FAM186A: variants seen among roughly 807,000 people sequenced by gnomAD.
The protein encoded by FAM186A is family with sequence similarity 186 member A.
A neutral mutation model predicts 216.8 loss-of-function variants in FAM186A; 163 were observed. The observed-to-expected ratio is 0.75, with a 90% CI of 0.66 to 0.86. The LOEUF is 0.86. Among genes scored for constraint, FAM186A ranks in the 40% least tolerant of loss-of-function variants. The probability of loss-of-function intolerance (pLI) is 0.00; values close to 1 mark genes in which losing one functional copy is unlikely to be tolerated. For synonymous variants in FAM186A, 805 were observed against 1,025.3 expected (o/e 0.79, Z 4.10); for missense variants, 2,184 against 2,746.2 (o/e 0.80, Z 4.58).
In FAM186A at chr12:50,348,038, A is replaced by ATTTTTTTTTTTTTTTTTTTTTTTTTTTTT. The variant is rs71083540; in HGVS notation, c.6503+2290_6503+2291insAAAAAAAAAAAAAAAAAAAAAAAAAAAAA. 2.5e-5 allele frequency among the ~76,000 whole-genome samples: 2 copies of ATTTTTTTTTTTTTTTTTTTTTTTTTTTTT among 81,340 alleles called. 1 individual carries two copies. The allele number at this position is 81,340 out of a possible 152,430, so 53.4% of individuals were successfully genotyped here. Reference sequence around the variant, plus strand: ...CAGGTGTGAGCCACAATGCCTGGTAATTTTTTTTTTTTTTTTTTTTTTTTG... The same window carrying ATTTTTTTTTTTTTTTTTTTTTTTTTTTTT: ...CAGGTGTGAGCCACAATGCCTGGTAATTTTTTTTTTTTTTTTTTTTTTTTTTTTTTTTTTTTTTTTTTTTTTTTTTTTTG... On this transcript the variant is annotated intron_variant, in intron 4 of 7. Coordinates refer to ENST00000327337, the MANE Select transcript of FAM186A (RefSeq NM_001145475.3).
At chr12:50,388,020 G>A (rs1231156869) in intron 1 of FAM186A, among the ~76,000 whole-genome samples, 1 of 152,136 alleles carries the variant, frequency 6.6e-6, no homozygotes, top group African/African-American at 2.4e-5. Context: ...TCAACTCTCT[G>A]TAAGCTCTCC....
At chr12:50,345,361 G>A (rs1481361877) in intron 4 of FAM186A, among the ~76,000 whole-genome samples, 6 of 152,050 alleles carry the variant, frequency 3.9e-5, no homozygotes, top group Non-Finnish European at 7.4e-5. Context: ...GTGAGATCGT[G>A]CCACTGCCCT....
chr12:50,343,606 G>GT (rs1942784784), intron 4 of FAM186A, among the ~76,000 whole-genome samples: 1 of 149,284 alleles, frequency 6.7e-6, no homozygotes, highest in East Asian at 2.0e-4. Context: ...ATGGGTTTTT[G>GT]TTTTCTCTCT....
In FAM186A at chr12:50,331,737, C is replaced by G. The variant is rs1189356173; in HGVS notation, c.6781G>C (p.Val2261Leu). The G allele has an allele frequency of 6.5e-7, 1 of 1,549,348 alleles. No homozygotes were observed. Among genetic ancestry groups the G allele is most frequent in the Non-Finnish European group, 8.7e-7 (1 of 1,146,608 alleles). Residue 2261 changes from valine to leucine, a missense_variant, in exon 6 of 8, where the codon GTT becomes CTT. Coordinates refer to ENST00000327337, the MANE Select transcript of FAM186A (RefSeq NM_001145475.3). The part of the protein sequence containing the change: ...EKQIPASTTF[V>L]QKPFLKLLME... Reference sequence around the variant, plus strand: ...AGTAATTTTAAGAATGGCTTTTGAACAAATGTGGTAGAGGCAGGTATCTGC... The same window carrying G: ...AGTAATTTTAAGAATGGCTTTTGAAGAAATGTGGTAGAGGCAGGTATCTGC...
rs1942905325 is a variant in FAM186A, at chr12:50,352,486, G to A, written c.4346C>T (p.Ala1449Val). 1.3e-5 allele frequency: 20 copies of A among 1,499,324 alleles called. No homozygotes were observed. The highest frequency in any genetic ancestry group is 1.8e-5 in the Non-Finnish European group (20 of 1,116,328). 92.9% of individuals were successfully genotyped at this position (1,499,324 alleles called of 1,614,324 possible). ...QAQALGMPLT[A>V]QQAQELGITL... ...GATCCCCAGCTCCTGAGCCTGCTGA[G>A]CGGTGAGAGGCATCCCCAGGGCCTG... The change falls in exon 4 of 8, where the codon GCT becomes GTT. Residue 1449 changes from alanine to valine, a missense_variant. Transcript: ENST00000327337.
chr12:50,335,422 GA>G (rs1356682871), intron 4 of FAM186A, among the ~76,000 whole-genome samples: 2 of 152,090 alleles, frequency 1.3e-5, no homozygotes, highest in African/African-American at 2.4e-5. Context: ...AAGGCTGGTG[GA>G]TCACAAGGTC....
chr12:50,330,694 CTAT>C lies in FAM186A; in HGVS notation c.6910_6912del (p.Ile2304del). Reference sequence around the variant, plus strand: ...AGTGAATGCATAGATGTCTTCTCTGCTATTGGGTAGCTTGAAGTGGACAGATCA... The same window carrying C: ...AGTGAATGCATAGATGTCTTCTCTGCTGGGTAGCTTGAAGTGGACAGATCA... On this transcript the variant is annotated inframe_deletion, in exon 7 of 8. Coordinates refer to ENST00000327337, the MANE Select transcript of FAM186A (RefSeq NM_001145475.3). 2 of 1,548,598 alleles carry C rather than the reference CTAT, an allele frequency of 1.3e-6. No individual in the cohort carries two copies. Among genetic ancestry groups the C allele is most frequent in the Middle Eastern group, 3.3e-4 (2 of 5,992 alleles).
chr12:50,394,012 G>A lies in FAM186A; in HGVS notation c.192+2281C>T, dbSNP rs537206458. 9.9e-5 allele frequency among the ~76,000 whole-genome samples: 15 copies of A among 152,056 alleles called. No individual in the cohort carries two copies. The East Asian group carries it at 1.2e-3, about 12-fold the overall frequency. On this transcript the variant is annotated intron_variant, in intron 1 of 7. Coordinates refer to ENST00000327337, the MANE Select transcript of FAM186A (RefSeq NM_001145475.3). ...CGGCTCACTGCAACCTCTGCCTTTC[G>A]GGCTCAAGTGATTCTCTTGCCTCAG...
At chr12:50,361,725 C>T (rs2136097124) in intron 2 of FAM186A, among the ~76,000 whole-genome samples, 1 of 151,216 alleles carries the variant, frequency 6.6e-6, no homozygotes, top group East Asian at 2.0e-4. Context: ...TGTGTGCCAC[C>T]ACACCCAGCT....
chr12:50,368,582 A>G (rs568926991), intron 1 of FAM186A, among the ~76,000 whole-genome samples: 41 of 152,276 alleles, frequency 2.7e-4, no homozygotes, highest in South Asian at 1.2e-3. Context: ...TAAGATGTCA[A>G]TACTACCCAA....
rs1486084160 is a variant in FAM186A at position 50,396,400 on chromosome 12, G to T, written c.85C>A (p.Pro29Thr). 6.4e-7 allele frequency: 1 copy of T among 1,551,430 alleles called. No individual in the cohort carries two copies. The highest frequency in any genetic ancestry group is 8.7e-7 in the Non-Finnish European group (1 of 1,146,962). ...ATCAAAGGACTAAGGATATTTTGGG[G>T]CTCTCTTCTCATGATGGTGGAATCC... ...IKDSTIMRRE[P>T]QNILSPLMLP... Residue 29 changes from proline (P) to threonine (T), a missense_variant, in exon 1 of 8, where the codon CCC becomes ACC. Around this residue, in one of 7 missense-constraint regions of FAM186A, gnomAD observed 1,132 missense variants for 1,263.4 expected, o/e 0.90. Transcript: ENST00000327337.
intron 4 of FAM186A, among the ~76,000 whole-genome samples, chr12:50,340,720 A>T (rs965751283): frequency 6.6e-6 from 1 of 152,064 alleles, no homozygotes; most frequent in African/African-American, 2.4e-5. Context: ...TGCTATCTAG[A>T]GAGCACAACA....
intron 1 of FAM186A, among the ~76,000 whole-genome samples, chr12:50,382,133 T>C (rs986058723): frequency 1.3e-5 from 2 of 151,406 alleles, no homozygotes; most frequent in Admixed American, 1.3e-4. Context: ...AGTTAACAGA[T>C]GACATGTTAC....
At chr12:50,362,071 C>A (rs1943041035) in intron 2 of FAM186A, among the ~76,000 whole-genome samples, 2 of 152,026 alleles carry the variant, frequency 1.3e-5, no homozygotes, top group Non-Finnish European at 2.9e-5. Context: ...CTCCCGGGTT[C>A]AAACAGTACA....
At chr12:50,390,016 G>A (rs1379388113) in intron 1 of FAM186A, among the ~76,000 whole-genome samples, 2 of 152,220 alleles carry the variant, frequency 1.3e-5, no homozygotes, top group Non-Finnish European at 2.9e-5. Context: ...AGGTAAGGGA[G>A]TCAGTGTGGG....
chr12:50,353,678 G>A lies in FAM186A; in HGVS notation c.3154C>T (p.Pro1052Ser), dbSNP rs560363822. The A allele has an allele frequency of 3.3e-6, 5 of 1,538,000 alleles. No homozygotes were observed. The highest frequency in any genetic ancestry group is 2.8e-5 in the African/African-American group (2 of 72,364). ...EKEPISITPP[P>S]SLQYSLPGAL... ...CCAGGCAGGGAGTATTGTAGGGAGGGGGGAGGTGTGATTGATATGGGCTCC... is the reference window on the plus strand; with the variant it reads ...CCAGGCAGGGAGTATTGTAGGGAGGAGGGAGGTGTGATTGATATGGGCTCC... Residue 1052 changes from proline (P) to serine (S), a missense_variant, in exon 4 of 8, where the codon CCC (proline) becomes TCC (serine). By Grantham distance (74) the Pro-to-Ser change is moderately conservative (BLOSUM62 -1). Coordinates refer to ENST00000327337, the MANE Select transcript of FAM186A (RefSeq NM_001145475.3).
chr12:50,396,299 G>A lies in FAM186A; in HGVS notation c.186C>T (p.Ala62=). The change falls in exon 1 of 8, where the codon GCC becomes GCT. Residue 62 remains alanine, a synonymous_variant. Transcript: ENST00000327337. ...CTTCAGATTCACTACCTACCTCTCT[G>A]GCTCGATGGAGCTGTGCGCGCTCAA... ...SRIERAQLHR[A]REDIDMQLSE... is the part of the protein sequence containing the mutation. 1 of 1,532,594 alleles carries A rather than the reference G, an allele frequency of 6.5e-7. No homozygotes were observed. Among genetic ancestry groups the A allele is most frequent in the South Asian group, 1.3e-5 (1 of 79,370 alleles). The allele number at this position is 1,532,594 out of a possible 1,614,324, so 94.9% of individuals were successfully genotyped here.
intron 4 of FAM186A, among the ~76,000 whole-genome samples, chr12:50,337,597 T>G (rs917795958): frequency 6.6e-6 from 1 of 151,168 alleles, no homozygotes; most frequent in African/African-American, 2.4e-5. Flanking sequence ...GTGAGAGAAT[T>G]CATTTTTAAT....
chr12:50,389,571 C>A (rs1943338763), intron 1 of FAM186A, among the ~76,000 whole-genome samples: 1 of 152,168 alleles, frequency 6.6e-6, no homozygotes, highest in South Asian at 2.1e-4. Context: ...TTAATATACT[C>A]CTGAGATAGA....
Sources: gnomAD v4.1 joint callset for allele counts (sites outside exome capture counted in the v4.1 genomes callset) on GRCh38, gnomAD v4.1.1 for gene constraint, gnomAD v4.1.1 regional missense constraint, MANE v1.5 for transcripts, NCBI Gene and HGNC (gene_info 2026-07-23, HGNC 2026-07-21) for gene names.